ZFR2: variants seen among roughly 807,000 people sequenced by gnomAD.
ZFR2 encodes the protein zinc finger RNA-binding protein 2.
In ZFR2, 104 loss-of-function variants were observed where a neutral mutation model predicts 105.7. That is an observed-to-expected ratio of 0.98 (90% confidence interval 0.84 to 1.16). ZFR2 has a LOEUF of 1.16. Ranked by LOEUF, ZFR2 falls within the 50% of genes most tolerant of loss-of-function variation. The pLI, the probability that ZFR2 is intolerant of heterozygous loss-of-function variation, is 0.00. For missense variants in ZFR2, 1,425 were observed against 1,355.5 expected, an observed-to-expected ratio of 1.05 and a Z score of -0.80; for synonymous variants, 634 against 597.7, an observed-to-expected ratio of 1.06 and a Z score of -0.89.
intron 17 of ZFR2, 29 bp from the exon 18 acceptor site, chr19:3,807,298 G>C: frequency 6.6e-7 from 1 of 1,509,582 alleles, no homozygotes; most frequent in Non-Finnish European, 9.0e-7. Flanking sequence ...GAACAGCAAA[G>C]AAGGCGAGAA....
chr19:3,822,057 C>T, intron 9 of ZFR2, 24 bp downstream of exon 9: 2 of 1,575,254 alleles, frequency 1.3e-6, no homozygotes, highest in South Asian at 1.2e-5. Flanking sequence ...GGACGGGTGT[C>T]GGAGCTCCCC....
chr19:3,810,763 G>C lies in ZFR2; in HGVS notation c.2420C>G (p.Ala807Gly). The C allele has an allele frequency of 6.5e-7, 1 of 1,549,362 alleles. No homozygotes were observed. Among genetic ancestry groups the C allele is most frequent in the African/African-American group, 1.4e-5 (1 of 73,138 alleles). ...DLCRRVPTWG[A>G]LPAWAMELLV... ...GCACTGCCTTACCCAGGCTGGCAGG[G>C]CCCCCCAGGTGGGCACACGCCGGCA... is the stretch of plus-strand genomic sequence containing the variant. The change falls in exon 16 of 19, where the codon GCC (alanine) becomes GGC (glycine). Residue 807 changes from alanine (A) to glycine (G), a missense_variant. Coordinates refer to ENST00000262961, the MANE Select transcript of ZFR2 (RefSeq NM_015174.2).
chr19:3,834,806 G>A lies in ZFR2; in HGVS notation c.231C>T (p.Pro77=), dbSNP rs769016754. 1.9e-5 allele frequency: 31 copies of A among 1,612,244 alleles called. No individual in the cohort carries two copies. Among genetic ancestry groups the A allele is most frequent in the Non-Finnish European group, 2.5e-5 (29 of 1,179,720 alleles). Residue 77 remains proline, a synonymous_variant, in exon 2 of 19, where the codon CCC becomes CCT. Transcript: ENST00000262961. The surrounding 1 kb of genome is among the most constrained non-coding windows in gnomAD (Gnocchi z 5.3). ...TAGCCATGGTGGTGGCCGTGGGGACGGGCTCCTGGGGTCGGCTGCCGTAGG... is the reference window on the plus strand; with the variant it reads ...TAGCCATGGTGGTGGCCGTGGGGACAGGCTCCTGGGGTCGGCTGCCGTAGG... The part of the protein sequence containing the change: ...DFAYGSRPQE[P]VPTATTMATY...
In ZFR2 at chr19:3,829,112, C is replaced by T. The variant is rs192251932; in HGVS notation, c.853-1459G>A. On this transcript the variant is annotated intron_variant, in intron 5 of 18. Coordinates refer to ENST00000262961, the MANE Select transcript of ZFR2 (RefSeq NM_015174.2). ...AAGTAGCTGGGACTACAGGCGTCTG[C>T]CACCACGCCTGGCTAATTTTTGTAT... Among the ~76,000 whole-genome samples, 376 of 152,174 alleles carry T rather than the reference C, an allele frequency of 2.5e-3. 1 individual carries two copies. The highest frequency in any genetic ancestry group is 8.8e-3 in the African/African-American group (364 of 41,524).
At chr19:3,820,999 AG>A in intron 10 of ZFR2, among the ~76,000 whole-genome samples, 1 of 83,720 alleles carries the variant, frequency 1.2e-5, no homozygotes, top group Non-Finnish European at 2.5e-5. Context: ...CAGGGACACT[AG>A]AGGTCGGGGA....
chr19:3,847,320 T>G (rs1309401273), intron 1 of ZFR2, among the ~76,000 whole-genome samples: 2 of 151,942 alleles, frequency 1.3e-5, no homozygotes, highest in South Asian at 4.1e-4. Context: ...GCCCAGGGGT[T>G]CTAGACTAGC....
rs1253645349 is a variant in ZFR2, at chr19:3,810,888, G to A, written c.2338-43C>T. 5 of 1,542,064 alleles carry A rather than the reference G, an allele frequency of 3.2e-6. No homozygotes were observed. The South Asian group carries it at 6.0e-5, about 18-fold the overall frequency. ...ACGGTTAGCTTTCAGGGGCTCACGTGGCCACACGGCATGGCGCCGGGCTCT... is the reference window on the plus strand; with the variant it reads ...ACGGTTAGCTTTCAGGGGCTCACGTAGCCACACGGCATGGCGCCGGGCTCT... On this transcript the variant is annotated intron_variant, in intron 15 of 18. Transcript: ENST00000262961.
intron 1 of ZFR2, among the ~76,000 whole-genome samples, chr19:3,866,274 G>A (rs561353015): frequency 4.5e-4 from 68 of 152,300 alleles, no homozygotes; most frequent in Non-Finnish European, 7.5e-4. Flanking sequence ...AGAATGAAAT[G>A]TATTTTGCTA....
At position 3,820,228 on chromosome 19, in the gene ZFR2, G is replaced by C. The variant is rs967550427; in HGVS notation, c.1694C>G (p.Pro565Arg). ...PPHAPPDWAQ[P>R]LLMGRPESPA... ...TGACTCCGGCCTGCCCATGAGCAGA[G>C]GCTGGGCCCAGTCGGGCGGCGCGTG... Residue 565 changes from proline (P) to arginine (R), a missense_variant, in exon 11 of 19, where the codon CCT becomes CGT. Transcript: ENST00000262961. 1.3e-6 allele frequency: 2 copies of C among 1,551,436 alleles called. No individual in the cohort carries two copies. The highest frequency in any genetic ancestry group is 4.9e-5 in the East Asian group (2 of 41,022).
rs2037905282 is a variant in ZFR2 at position 3,822,301 on chromosome 19, C to T, written c.1372-101G>A. On this transcript the variant is annotated intron_variant, in intron 8 of 18. Coordinates refer to ENST00000262961, the MANE Select transcript of ZFR2 (RefSeq NM_015174.2). ...CGGCGGAGCCTTCCTCCTTGCTGCTCATTTTATTTATGTATGTCTTTTTAG... is the reference window on the plus strand; with the variant it reads ...CGGCGGAGCCTTCCTCCTTGCTGCTTATTTTATTTATGTATGTCTTTTTAG... The T allele has an allele frequency of 2.0e-6, 3 of 1,500,938 alleles. No individual in the cohort carries two copies. The Admixed American group carries it at 6.0e-5, about 30-fold the overall frequency. 93.0% of individuals were successfully genotyped at this position (1,500,938 alleles called of 1,614,324 possible).
At chr19:3,849,483 C>T (rs926204943) in intron 1 of ZFR2, among the ~76,000 whole-genome samples, 3 of 152,234 alleles carry the variant, frequency 2.0e-5, no homozygotes, top group African/African-American at 7.2e-5. Context: ...GGCCCTGCAG[C>T]GTGCTGAGCA....
chr19:3,804,161 C>T lies in ZFR2; in HGVS notation c.*1788G>A, dbSNP rs1269669333. ...GCCACTGGCTGGAGATCACATCTGC[C>T]CAAAGGTGGACTTTTCTCATTCAAT... is the stretch of plus-strand genomic sequence containing the variant. On this transcript the variant is annotated 3_prime_UTR_variant, in exon 19 of 19. Transcript: ENST00000262961. 6.6e-6 allele frequency: 1 copy of T among 152,430 alleles called. No individual in the cohort carries two copies. Among genetic ancestry groups the T allele is most frequent in the Admixed American group, 6.5e-5 (1 of 15,292 alleles). The allele number at this position is 152,430 out of a possible 1,614,324, so 9.4% of individuals were successfully genotyped here.
chr19:3,821,629 T>C lies in ZFR2; in HGVS notation c.1492-150A>G, dbSNP rs897948265. On this transcript the variant is annotated intron_variant, in intron 9 of 18. Coordinates refer to ENST00000262961, the MANE Select transcript of ZFR2 (RefSeq NM_015174.2). ...CTTTTTTTTTTTTTTTTTTTTTTTT[T>C]CGAGACAGAGTCTTGCTCTTGTCTC... is the stretch of plus-strand genomic sequence containing the variant. 7.7e-4 allele frequency: 418 copies of C among 542,710 alleles called. 6 individuals carry two copies. In the African/African-American group the frequency reaches 8.5e-3, roughly 11 times the overall value. 33.6% of individuals were successfully genotyped at this position (542,710 alleles called of 1,614,324 possible). A position where few individuals can be genotyped will look rare whatever the true frequency, so the allele number is the denominator to read the frequency against.
chr19:3,860,314 C>G (rs948134877), intron 1 of ZFR2, among the ~76,000 whole-genome samples: 1 of 151,560 alleles, frequency 6.6e-6, no homozygotes. Flanking sequence ...GCTGGGATAA[C>G]AGGCGTGAGC....
chr19:3,821,155 G>A (rs1364924814), intron 10 of ZFR2, among the ~76,000 whole-genome samples, 185 bp downstream of exon 10: 4 of 152,076 alleles, frequency 2.6e-5, no homozygotes, highest in South Asian at 2.1e-4. Flanking sequence ...GCCCTTGCCC[G>A]TCTGCTCTGG....
chr19:3,813,312 G>A lies in ZFR2; in HGVS notation c.2242+508C>T, dbSNP rs1296878490. Among the ~76,000 whole-genome samples, 5 of 152,270 alleles carry A rather than the reference G, an allele frequency of 3.3e-5. No homozygotes were observed. In the East Asian group the frequency reaches 7.7e-4, roughly 24 times the overall value. ...GCTGTGGCCGCTGGCCAAGACCCTC[G>A]CTGCCCCTAGCCTGGCCCGGCCCCT... On this transcript the variant is annotated intron_variant, in intron 14 of 18. Coordinates refer to ENST00000262961, the MANE Select transcript of ZFR2 (RefSeq NM_015174.2). The surrounding 1 kb of genome is among the most constrained non-coding windows in gnomAD (Gnocchi z 4.4).
At chr19:3,847,323 A>T (rs944896557) in intron 1 of ZFR2, among the ~76,000 whole-genome samples, 1 of 152,140 alleles carries the variant, frequency 6.6e-6, no homozygotes, top group African/African-American at 2.4e-5. Flanking sequence ...CAGGGGTTCT[A>T]GACTAGCCTG....
chr19:3,851,703 A>T (rs181853044), intron 1 of ZFR2: 1 of 152,556 alleles, frequency 6.6e-6, no homozygotes, highest in African/African-American at 2.4e-5. Flanking sequence ...CTGTTTTTGT[A>T]CAGTCCCAAG....
intron 1 of ZFR2, among the ~76,000 whole-genome samples, chr19:3,860,027 C>T (rs1360727331): frequency 2.6e-5 from 4 of 151,820 alleles, no homozygotes; most frequent in Non-Finnish European, 5.9e-5. Context: ...GGGAAGATAC[C>T]AAAAGGACTT....
Sources: gnomAD v4.1 joint callset for allele counts (sites outside exome capture counted in the v4.1 genomes callset) on GRCh38, gnomAD v4.1.1 for gene constraint, Gnocchi (gnomAD v3.1) non-coding constraint, MANE v1.5 for transcripts, NCBI Gene and HGNC (gene_info 2026-07-23, HGNC 2026-07-21) for gene names.